Variants in ZNG1A observed in about 807,000 individuals in gnomAD.
The protein encoded by ZNG1A is zinc-regulated GTPase metalloprotein activator 1A.
At chr9:169,854 CTTT>C in the ZNG1A span, among the ~76,000 whole-genome samples, 367 of 53,938 alleles carry the variant, frequency 6.8e-3, no homozygotes, top group Middle Eastern at 0.048. Flanking sequence ...ATAAACACAG[CTTT>C]TTTTTTTTTT....
the ZNG1A span, among the ~76,000 whole-genome samples, chr9:156,859 T>A: frequency 6.6e-6 from 1 of 152,156 alleles, no homozygotes; most frequent in South Asian, 2.1e-4. Flanking sequence ...AGTTCAGATT[T>A]TAGGTATTTT....
At chr9:128,423 C>T in the ZNG1A span, among the ~76,000 whole-genome samples, 5 of 151,812 alleles carry the variant, frequency 3.3e-5, 1 homozygote, top group East Asian at 9.7e-4. Context: ...ATTAGGAGAC[C>T]TTGTCTTCAG....
At chr9:172,033 A>C in the ZNG1A span, 9,540 of 1,608,880 alleles carry the variant, frequency 5.9e-3, 326 homozygotes, top group African/African-American at 0.11. Context: ...ATCTATTTAC[A>C]ATATATCACA....
the ZNG1A span, chr9:166,638 T>G: frequency 7.9e-5 from 12 of 152,548 alleles, no homozygotes; most frequent in Non-Finnish European, 1.6e-4. Flanking sequence ...CAATACAACC[T>G]TATAATAAAC....
chr9:177,684 G>C, the ZNG1A span: 5 of 1,288,960 alleles, frequency 3.9e-6, no homozygotes, highest in South Asian at 4.1e-5. Context: ...TCTCACTCCT[G>C]AGCTTCAGAT....
At chr9:152,066 T>A in the ZNG1A span, 1 of 634,600 alleles carries the variant, frequency 1.6e-6, no homozygotes, top group Non-Finnish European at 2.6e-6. Flanking sequence ...TTTGTCCTAG[T>A]CCATTTATGG....
At chr9:147,582 C>T in the ZNG1A span, 2 of 140,896 alleles carry the variant, frequency 1.4e-5, no homozygotes, top group South Asian at 4.3e-4. Context: ...AACTCAAATT[C>T]TGGGCATTTT....
chr9:160,661 T>C, the ZNG1A span, among the ~76,000 whole-genome samples: 1 of 151,556 alleles, frequency 6.6e-6, no homozygotes, highest in South Asian at 2.1e-4. Context: ...TACCCAACTA[T>C]ACATATAAAA....
the ZNG1A span, among the ~76,000 whole-genome samples, chr9:141,368 G>A: frequency 6.7e-6 from 1 of 148,562 alleles, no homozygotes; most frequent in Admixed American, 6.8e-5. Flanking sequence ...CAAGCCAGAA[G>A]AGAGTGGGGG....
the ZNG1A span, among the ~76,000 whole-genome samples, chr9:129,847 TCA>T: frequency 7.0e-6 from 1 of 142,822 alleles, no homozygotes. Context: ...AAATATACAG[TCA>T]TGGATACATA....
the ZNG1A span, among the ~76,000 whole-genome samples, chr9:161,376 G>C: frequency 1.3e-5 from 2 of 151,322 alleles, no homozygotes; most frequent in African/African-American, 4.9e-5. Context: ...GCTGAGACAA[G>C]GGAATCGCTT....
At chr9:149,931 G>C in the ZNG1A span, among the ~76,000 whole-genome samples, 8 of 146,870 alleles carry the variant, frequency 5.4e-5, no homozygotes, top group Admixed American at 5.4e-4. Context: ...TTACCACTAA[G>C]ACGATGCTAC....
chr9:158,432 A>G, the ZNG1A span, among the ~76,000 whole-genome samples: 2 of 151,212 alleles, frequency 1.3e-5, no homozygotes, highest in South Asian at 2.1e-4. Flanking sequence ...TCAAGATATT[A>G]TATTATTGAC....
At chr9:147,049 G>C in the ZNG1A span, 2 of 150,982 alleles carry the variant, frequency 1.3e-5, no homozygotes, top group Non-Finnish European at 2.9e-5. Context: ...GTGGTGGCAC[G>C]CACCTGTAGT....
At chr9:124,006 G>C in the ZNG1A span, among the ~76,000 whole-genome samples, 1 of 152,146 alleles carries the variant, frequency 6.6e-6, no homozygotes, top group African/African-American at 2.4e-5. Context: ...GAAAGGCTTG[G>C]CTTATCTTTA....
the ZNG1A span, among the ~76,000 whole-genome samples, chr9:129,154 G>T: frequency 5.9e-5 from 9 of 152,058 alleles, no homozygotes; most frequent in African/African-American, 1.5e-4. Flanking sequence ...GTACTGGTTG[G>T]CCTGCTGCAG....
At chr9:152,403 T>C in the ZNG1A span, among the ~76,000 whole-genome samples, 1 of 152,186 alleles carries the variant, frequency 6.6e-6, no homozygotes, top group African/African-American at 2.4e-5. Flanking sequence ...TAGTCAGTTA[T>C]CCTAGTGTTC....
At chr9:154,805 C>G in the ZNG1A span, 1 of 1,483,364 alleles carries the variant, frequency 6.7e-7, no homozygotes, top group South Asian at 1.2e-5. Context: ...TCTAAAATAG[C>G]AAACAGAGAA....
chr9:128,956 C>T, the ZNG1A span, among the ~76,000 whole-genome samples: 1 of 151,886 alleles, frequency 6.6e-6, no homozygotes, highest in Admixed American at 6.6e-5. Context: ...TCTTCTGGAT[C>T]TAGCCACCCA....
Sources: allele counts gnomAD v4.1 joint callset (sites outside exome capture counted in the v4.1 genomes callset), GRCh38; gene constraint gnomAD v4.1.1; transcripts MANE v1.5; gene names NCBI Gene and HGNC (gene_info 2026-07-23, HGNC 2026-07-21).